TRIM67: variants seen among roughly 807,000 people sequenced by gnomAD.
The protein encoded by TRIM67 is tripartite motif-containing protein 67.
In TRIM67, 39 loss-of-function variants were observed where a neutral mutation model predicts 71.0. The observed-to-expected ratio is 0.55, with a 90% CI of 0.43 to 0.72. The LOEUF is 0.72. Among genes scored for constraint, TRIM67 ranks in the 30% least tolerant of loss-of-function variants. The probability of loss-of-function intolerance (pLI) is 0.00; values close to 1 mark genes in which losing one functional copy is unlikely to be tolerated. For missense variants in TRIM67, 973 were observed against 1,079.2 expected (o/e 0.90, Z 1.38); for synonymous variants, 481 against 473.9 (o/e 1.01, Z -0.19).
chr1:231,172,929 C>G (rs1205323811), intron 1 of TRIM67, among the ~76,000 whole-genome samples: 1 of 152,202 alleles, frequency 6.6e-6, no homozygotes, highest in East Asian at 1.9e-4. Context: ...TGTGTACCCA[C>G]AACTAAAAGT....
intron 2 of TRIM67, among the ~76,000 whole-genome samples, chr1:231,198,006 T>C (rs60973362): frequency 0.26 from 39,621 of 152,000 alleles, 7,077 homozygotes; most frequent in African/African-American, 0.5. Flanking sequence ...GGCACACAAG[T>C]GACACCTGAT....
Position 231,217,751 on chromosome 1 carries a change from G to C in TRIM67, c.*2311G>C. Reference sequence around the variant, plus strand: ...GTGGCCCCAGCTCTGCAGAAGAATCGCCCATCATTGGAGCACAAGTTGCCT... The same window carrying C: ...GTGGCCCCAGCTCTGCAGAAGAATCCCCCATCATTGGAGCACAAGTTGCCT... On this transcript the variant is annotated 3_prime_UTR_variant, in exon 10 of 10. Transcript: ENST00000366653. The C allele has an allele frequency of 7.9e-7, 1 of 1,269,744 alleles. No individual in the cohort carries two copies. Among genetic ancestry groups the C allele is most frequent in the South Asian group, 1.3e-5 (1 of 78,122 alleles). 78.7% of individuals were successfully genotyped at this position (1,269,744 alleles called of 1,614,324 possible).
At position 231,163,746 on chromosome 1, in the gene TRIM67, G is replaced by A. The variant is rs1440968656; in HGVS notation, c.777G>A (p.Pro259=). Residue 259 remains proline, a synonymous_variant, in exon 1 of 10, where the codon CCG becomes CCA. Transcript: ENST00000366653. ...TGCAGCCGCCGCCGCCGCCGCCGCCGCCCGCCGAGGCAGCCTCCGGGCCCA... is the reference window on the plus strand; with the variant it reads ...TGCAGCCGCCGCCGCCGCCGCCGCCACCCGCCGAGGCAGCCTCCGGGCCCA... ...RLVQPPPPPP[P]PAEAASGPTG... is the part of the protein sequence containing the mutation. The A allele has an allele frequency of 2.0e-6, 3 of 1,491,280 alleles. No individual in the cohort carries two copies. The highest frequency in any genetic ancestry group is 2.7e-6 in the Non-Finnish European group (3 of 1,120,982). The allele number at this position is 1,491,280 out of a possible 1,614,324, so 92.4% of individuals were successfully genotyped here.
Position 231,163,177 on chromosome 1 carries a change from G to T in TRIM67, c.208G>T (p.Asp70Tyr), listed in dbSNP as rs1005708688. Residue 70 changes from aspartate to tyrosine, a missense_variant, in exon 1 of 10, where the codon GAC becomes TAC. Transcript: ENST00000366653. ...CGCCGCCGCTGCCTCTCTGGAGCAC[G>T]ACGCTGCGGCTGGCCCGGCCTGCGG... ...GAAAAASLEH[D>Y]AAAGPACGGA... The T allele has an allele frequency of 1.3e-6, 2 of 1,494,334 alleles. No homozygotes were observed. The highest frequency in any genetic ancestry group is 1.8e-6 in the Non-Finnish European group (2 of 1,121,980). The allele number at this position is 1,494,334 out of a possible 1,614,324, so 92.6% of individuals were successfully genotyped here.
intron 1 of TRIM67, among the ~76,000 whole-genome samples, chr1:231,196,774 G>T (rs554272579): frequency 3.3e-5 from 5 of 152,294 alleles, no homozygotes; most frequent in Non-Finnish European, 5.9e-5. Context: ...ACCCCTCTCT[G>T]CAGGGTGAGG....
At chr1:231,200,310 G>A in intron 4 of TRIM67, 52 bp downstream of exon 4, 3 of 1,251,004 alleles carry the variant, frequency 2.4e-6, no homozygotes, top group Non-Finnish European at 3.5e-6. Context: ...CTGTCCCACT[G>A]TTCCCCAAAT....
chr1:231,202,676 C>T (rs1413576053), intron 5 of TRIM67, among the ~76,000 whole-genome samples: 2 of 152,118 alleles, frequency 1.3e-5, no homozygotes, highest in African/African-American at 4.8e-5. Context: ...AATTTGTGGC[C>T]ATTTTAAACT....
In TRIM67 at chr1:231,219,315, C is replaced by T. The variant is rs2102771871; in HGVS notation, c.*3875C>T. 2 of 983,558 alleles carry T rather than the reference C, an allele frequency of 2.0e-6. No individual in the cohort carries two copies. The highest frequency in any genetic ancestry group is 2.4e-6 in the Non-Finnish European group (2 of 828,136). 60.9% of individuals were successfully genotyped at this position (983,558 alleles called of 1,614,324 possible). ...TGTGACAACCAAAAGTATCTGTCGACATTGCTAGGTATCTCCTGGGGGCCT... is the reference window on the plus strand; with the variant it reads ...TGTGACAACCAAAAGTATCTGTCGATATTGCTAGGTATCTCCTGGGGGCCT... On this transcript the variant is annotated 3_prime_UTR_variant, in exon 10 of 10. Transcript: ENST00000366653.
intron 1 of TRIM67, among the ~76,000 whole-genome samples, chr1:231,171,171 C>G (rs530102890): frequency 1.4e-4 from 21 of 152,170 alleles, no homozygotes; most frequent in Admixed American, 1.3e-3. Flanking sequence ...GAACTAGTGT[C>G]TTATTTAGTT....
intron 1 of TRIM67, among the ~76,000 whole-genome samples, chr1:231,173,793 A>C (rs1450005986): frequency 6.6e-6 from 1 of 152,146 alleles, no homozygotes; most frequent in African/African-American, 2.4e-5. Context: ...GGTGGTTTGG[A>C]AAATGGATAG....
At chr1:231,194,560 A>G (rs1683315985) in intron 1 of TRIM67, among the ~76,000 whole-genome samples, 1 of 152,208 alleles carries the variant, frequency 6.6e-6, no homozygotes, top group South Asian at 2.1e-4. Context: ...TCCTCCTATC[A>G]GAGTTGTCCT....
At chr1:231,195,424 G>A (rs1359936669) in intron 1 of TRIM67, among the ~76,000 whole-genome samples, 1 of 152,232 alleles carries the variant, frequency 6.6e-6, no homozygotes, top group Non-Finnish European at 1.5e-5. Flanking sequence ...TCTATGGGAT[G>A]TTTCACTGCC....
Position 231,163,840 on chromosome 1 carries a change from G to T in TRIM67, c.871G>T (p.Ala291Ser), listed in dbSNP as rs576022261. The change falls in exon 1 of 10, where the codon GCG (alanine) becomes TCG (serine). Residue 291 changes from alanine (A) to serine (S), a missense_variant. Transcript: ENST00000366653. The part of the protein sequence containing the change: ...CKSPGGAGAG[A>S]TGGSTARKFP... ...GAGCCCGGGAGGCGCGGGGGCGGGG[G>T]CGACTGGGGGCAGCACGGCCCGCAA... is the stretch of plus-strand genomic sequence containing the variant. 2.0e-6 allele frequency: 3 copies of T among 1,534,046 alleles called. No individual in the cohort carries two copies. Among genetic ancestry groups the T allele is most frequent in the Non-Finnish European group, 1.8e-6 (2 of 1,139,262 alleles).
intron 8 of TRIM67, among the ~76,000 whole-genome samples, chr1:231,211,768 G>T (rs57401731): frequency 0.074 from 11,314 of 152,252 alleles, 923 homozygotes; most frequent in African/African-American, 0.21. Context: ...GCGCTGCTAA[G>T]GTTAAGGCTA....
chr1:231,203,172 G>A (rs1405254379), intron 5 of TRIM67, among the ~76,000 whole-genome samples: 2 of 152,166 alleles, frequency 1.3e-5, no homozygotes, highest in Admixed American at 1.3e-4. Flanking sequence ...GGTCAAAGTG[G>A]ACTCTATCGA....
chr1:231,199,749 G>A (rs1209150297), intron 3 of TRIM67, among the ~76,000 whole-genome samples: 3 of 152,200 alleles, frequency 2.0e-5, no homozygotes, highest in Middle Eastern at 3.2e-3. Flanking sequence ...AGAAAAGGAG[G>A]AATGCATGCT....
chr1:231,207,265 G>A lies in TRIM67; in HGVS notation c.1819+475G>A, dbSNP rs376884654. On this transcript the variant is annotated intron_variant, in intron 7 of 9. Coordinates refer to ENST00000366653, the MANE Select transcript of TRIM67 (RefSeq NM_001004342.5). Reference sequence around the variant, plus strand: ...ACAGTCCCAGACAAGAAAACTCCACGATAGATGCAGTGGGCCCACACCAGT... The same window carrying A: ...ACAGTCCCAGACAAGAAAACTCCACAATAGATGCAGTGGGCCCACACCAGT... 1.1e-4 allele frequency among the ~76,000 whole-genome samples: 17 copies of A among 152,334 alleles called. No individual in the cohort carries two copies. In the East Asian group the frequency reaches 2.7e-3, roughly 24 times the overall value.
At chr1:231,171,277 G>A (rs1167589825) in intron 1 of TRIM67, among the ~76,000 whole-genome samples, 2 of 152,188 alleles carry the variant, frequency 1.3e-5, no homozygotes, top group Admixed American at 1.3e-4. Flanking sequence ...AGATGGGCAG[G>A]AATCTCTAAG....
intron 1 of TRIM67, chr1:231,185,081 C>T (rs1031461901): frequency 1.3e-6 from 2 of 1,532,806 alleles, no homozygotes; most frequent in African/African-American, 2.8e-5. Context: ...TTCCAGAGAG[C>T]AGGGCACTTC....
Sources: gnomAD v4.1 joint callset for allele counts (sites outside exome capture counted in the v4.1 genomes callset) on GRCh38, gnomAD v4.1.1 for gene constraint, MANE v1.5 for transcripts, NCBI Gene and HGNC (gene_info 2026-07-23, HGNC 2026-07-21) for gene names.